MARCHF3: variants seen among roughly 807,000 people sequenced by gnomAD.
MARCHF3 encodes E3 ubiquitin-protein ligase MARCHF3.
MARCHF3 carries 13 observed loss-of-function variants against 24.2 expected under a neutral mutation model. The ratio of observed to expected loss-of-function variants is 0.54; its 90% CI spans 0.35 to 0.85. The LOEUF (loss-of-function observed/expected upper bound fraction) is 0.85. Among genes scored for constraint, MARCHF3 ranks in the 40% least tolerant of loss-of-function variants. The pLI is 0.01. For synonymous variants in MARCHF3, 144 were observed against 137.3 expected (o/e 1.05, Z -0.34); for missense variants, 276 against 325.0 (o/e 0.85, Z 1.16).
In MARCHF3 at chr5:127,023,982, T is replaced by C. The variant is rs1376805752; in HGVS notation, c.-57+6368A>G. 2.0e-5 allele frequency among the ~76,000 whole-genome samples: 3 copies of C among 152,146 alleles called. No individual in the cohort carries two copies. In the East Asian group the frequency reaches 5.8e-4, roughly 29 times the overall value. On this transcript the variant is annotated intron_variant, in intron 1 of 4. Transcript: ENST00000308660. ...ACTTCAAATGACATTACAGTGAAGC[T>C]GTCCCAAGTTTCAAAGTAGGACTCA...
intron 1 of MARCHF3, among the ~76,000 whole-genome samples, chr5:126,974,706 A>AAGTTACGG (rs1751136570): frequency 6.6e-6 from 1 of 152,194 alleles, no homozygotes; most frequent in South Asian, 2.1e-4. Flanking sequence ...CACCACACAC[A>AAGTTACGG]AGTTACGGAG....
chr5:126,924,369 C>A (rs1749225420), intron 1 of MARCHF3, among the ~76,000 whole-genome samples: 1 of 151,946 alleles, frequency 6.6e-6, no homozygotes, highest in Non-Finnish European at 1.5e-5. Flanking sequence ...CTAATGAGAC[C>A]AATGAATGGA....
chr5:126,910,537 G>T (rs1240914442), intron 3 of MARCHF3, among the ~76,000 whole-genome samples: 2 of 152,366 alleles, frequency 1.3e-5, no homozygotes, highest in East Asian at 3.9e-4. Context: ...AACTTGGATT[G>T]TGAAGATTTC....
intron 1 of MARCHF3, among the ~76,000 whole-genome samples, chr5:127,022,268 T>C (rs187617807): frequency 6.6e-6 from 1 of 152,320 alleles, no homozygotes; most frequent in African/African-American, 2.4e-5. Context: ...AGCAAGTCCT[T>C]TGAGAATGGT....
chr5:126,957,299 G>A (rs1750482421), intron 1 of MARCHF3, among the ~76,000 whole-genome samples: 1 of 152,002 alleles, frequency 6.6e-6, no homozygotes, highest in Non-Finnish European at 1.5e-5. Context: ...TGTCACATAT[G>A]TTTAACTTTA....
intron 1 of MARCHF3, among the ~76,000 whole-genome samples, chr5:126,979,840 C>T (rs545064300): frequency 1.8e-4 from 26 of 147,180 alleles, no homozygotes; most frequent in Admixed American, 9.0e-4. Context: ...CCCAGCTACT[C>T]GGGAGGCTGA....
intron 1 of MARCHF3, among the ~76,000 whole-genome samples, chr5:126,947,581 G>A (rs547913171): frequency 6.6e-6 from 1 of 152,260 alleles, no homozygotes; most frequent in African/African-American, 2.4e-5. Context: ...TGCAACAGAT[G>A]TACCCTCTGG....
chr5:126,968,926 A>G (rs1232997575), intron 1 of MARCHF3, among the ~76,000 whole-genome samples: 2 of 152,120 alleles, frequency 1.3e-5, no homozygotes, highest in African/African-American at 4.8e-5. Flanking sequence ...CAGATAAGTG[A>G]TATGCAAATA....
At chr5:126,892,757 TG>T (rs1411764350) in intron 3 of MARCHF3, among the ~76,000 whole-genome samples, 1 of 149,612 alleles carries the variant, frequency 6.7e-6, no homozygotes, top group Admixed American at 6.6e-5. Flanking sequence ...TCTCTTTTTT[TG>T]TTATGTCTCT....
Position 126,903,717 on chromosome 5 carries a change from G to A in MARCHF3, c.393+11213C>T, listed in dbSNP as rs917588643. Among the ~76,000 whole-genome samples the A allele has an allele frequency of 3.9e-5, 6 of 151,964 alleles. 1 individual carries two copies. The highest frequency in any genetic ancestry group is 2.1e-4 in the South Asian group (1 of 4,824). On this transcript the variant is annotated intron_variant, in intron 3 of 4. Coordinates refer to ENST00000308660, the MANE Select transcript of MARCHF3 (RefSeq NM_178450.5). ...TTCTTGAATCTATTAAATAGCAAGT[G>A]CCAAGGTACAAAGTGGTTTCTTCAT...
chr5:127,019,764 TAC>T (rs1341852553), intron 1 of MARCHF3, among the ~76,000 whole-genome samples: 1 of 152,208 alleles, frequency 6.6e-6, no homozygotes, highest in Non-Finnish European at 1.5e-5. Context: ...CATGAGATAA[TAC>T]ACGTCCTTAC....
At position 126,874,708 on chromosome 5, in the gene MARCHF3, C is replaced by T. The variant is rs146041926; in HGVS notation, c.603+3477G>A. ...ATCGATGGGACTAGGCCTTGGCAAA[C>T]GGCCTCCTCAGCAATGTGCCCAGCT... is the stretch of plus-strand genomic sequence containing the variant. On this transcript the variant is annotated intron_variant, in intron 4 of 4. Coordinates refer to ENST00000308660, the MANE Select transcript of MARCHF3 (RefSeq NM_178450.5). Among the ~76,000 whole-genome samples the T allele has an allele frequency of 3.8e-4, 58 of 152,206 alleles. 2 individuals carry two copies. In the East Asian group the frequency reaches 8.9e-3, roughly 23 times the overall value.
intron 1 of MARCHF3, among the ~76,000 whole-genome samples, chr5:126,940,390 T>C (rs1429760313): frequency 6.6e-6 from 1 of 152,220 alleles, no homozygotes; most frequent in Non-Finnish European, 1.5e-5. Context: ...ATGAGAAATA[T>C]TTTTATGCTA....
intron 1 of MARCHF3, among the ~76,000 whole-genome samples, chr5:127,009,919 C>T (rs1399416242): frequency 2.6e-5 from 4 of 152,182 alleles, no homozygotes; most frequent in African/African-American, 9.7e-5. Flanking sequence ...TTACATTTCC[C>T]TGCCTACAAG....
At chr5:126,938,812 A>G (rs2126808337) in intron 1 of MARCHF3, among the ~76,000 whole-genome samples, 1 of 152,362 alleles carries the variant, frequency 6.6e-6, no homozygotes, top group Non-Finnish European at 1.5e-5. Flanking sequence ...TCACATGTGC[A>G]TTACAATGAA....
intron 1 of MARCHF3, among the ~76,000 whole-genome samples, chr5:126,940,746 C>T (rs980116138): frequency 6.6e-6 from 1 of 150,454 alleles, no homozygotes; most frequent in Non-Finnish European, 1.5e-5. Context: ...TGTGCCCGGC[C>T]TAACTTTTTT....
intron 1 of MARCHF3, among the ~76,000 whole-genome samples, chr5:126,966,083 C>T (rs965690147): frequency 6.6e-6 from 1 of 152,114 alleles, no homozygotes; most frequent in Non-Finnish European, 1.5e-5. Flanking sequence ...AGAAGCTGGA[C>T]ACAAGAATGT....
At chr5:126,936,430 A>C (rs1749648352) in intron 1 of MARCHF3, among the ~76,000 whole-genome samples, 1 of 152,204 alleles carries the variant, frequency 6.6e-6, no homozygotes, top group South Asian at 2.1e-4. Context: ...CAGTGAGGGC[A>C]CTAACATGAG....
At chr5:126,888,533 A>G (rs1368686445) in intron 3 of MARCHF3, among the ~76,000 whole-genome samples, 1 of 152,200 alleles carries the variant, frequency 6.6e-6, no homozygotes, top group East Asian at 1.9e-4. Context: ...ATCTCTAATT[A>G]TTTTAGATCA....
Sources: gnomAD v4.1 joint callset for allele counts (sites outside exome capture counted in the v4.1 genomes callset) on GRCh38, gnomAD v4.1.1 for gene constraint, MANE v1.5 for transcripts, NCBI Gene and HGNC (gene_info 2026-07-23, HGNC 2026-07-21) for gene names.